NR2C2: variants seen among roughly 807,000 people sequenced by gnomAD.
NR2C2 encodes nuclear receptor subfamily 2 group C member 2.
In NR2C2, 6 loss-of-function variants were observed where a neutral mutation model predicts 62.9. That is an observed-to-expected ratio of 0.10 (90% CI 0.05 to 0.19). NR2C2 has a LOEUF of 0.19. Among genes scored for constraint, NR2C2 ranks in the 10% least tolerant of loss-of-function variants. The probability of loss-of-function intolerance (pLI) is 1.00; values close to 1 mark genes in which losing one functional copy is unlikely to be tolerated. For synonymous variants in NR2C2, 272 were observed against 273.8 expected, an observed-to-expected ratio of 0.99 and a Z score of 0.07; for missense variants, 479 against 762.7, an observed-to-expected ratio of 0.63 and a Z score of 4.38.
intron 1 of NR2C2, among the ~76,000 whole-genome samples, chr3:14,972,784 A>G (rs1338775831): frequency 1.3e-5 from 2 of 152,178 alleles, no homozygotes; most frequent in Non-Finnish European, 2.9e-5. Context: ...TCATGGTGGC[A>G]GACAAAGCAG....
intron 1 of NR2C2, among the ~76,000 whole-genome samples, chr3:14,972,743 C>T (rs1559537404): frequency 6.6e-6 from 1 of 152,172 alleles, no homozygotes; most frequent in African/African-American, 2.4e-5. Flanking sequence ...ACGGCAGCAT[C>T]TGCTTCTGGG....
chr3:15,025,427 T>C (rs556550633), intron 7 of NR2C2: 3 of 152,216 alleles, frequency 2.0e-5, no homozygotes, highest in Non-Finnish European at 4.4e-5. Flanking sequence ...ATTGTCACTT[T>C]GGAGGAGAAT....
chr3:14,962,137 T>C (rs984382908), intron 1 of NR2C2, among the ~76,000 whole-genome samples: 2 of 152,232 alleles, frequency 1.3e-5, no homozygotes, highest in African/African-American at 4.8e-5. Context: ...GTTACAACCC[T>C]GGAGACCTGA....
At chr3:15,000,021 A>G (rs752965687) in intron 1 of NR2C2, among the ~76,000 whole-genome samples, 4 of 152,196 alleles carry the variant, frequency 2.6e-5, no homozygotes, top group Non-Finnish European at 5.9e-5. Flanking sequence ...TATTTTTGCC[A>G]TGAGAACATT....
intron 5 of NR2C2, among the ~76,000 whole-genome samples, chr3:15,022,847 G>T (rs971243191): frequency 6.6e-6 from 1 of 152,028 alleles, no homozygotes; most frequent in Non-Finnish European, 1.5e-5. Flanking sequence ...ACATAATGAG[G>T]CTTCATCTCT....
intron 11 of NR2C2, among the ~76,000 whole-genome samples, chr3:15,036,387 A>G (rs1388272615): frequency 6.6e-6 from 1 of 152,188 alleles, no homozygotes; most frequent in Non-Finnish European, 1.5e-5. Context: ...TAGTCTCTCC[A>G]TGTGTAGCAT....
At position 15,004,970 on chromosome 3, in the gene NR2C2, C is replaced by A. The variant is rs575027981; in HGVS notation, c.72+984C>A. Reference sequence around the variant, plus strand: ...GTCTTGCTATGTTGCCCAGGCTGGTCTTGAACTCCTGACCTCAAGTGATAC... The same window carrying A: ...GTCTTGCTATGTTGCCCAGGCTGGTATTGAACTCCTGACCTCAAGTGATAC... On this transcript the variant is annotated intron_variant, in intron 2 of 13. Transcript: ENST00000425241. Among the ~76,000 whole-genome samples the A allele has an allele frequency of 3.3e-5, 5 of 151,720 alleles. No homozygotes were observed. The South Asian group carries it at 1.0e-3, about 32-fold the overall frequency.
chr3:14,952,543 A>G (rs1290595718), intron 1 of NR2C2, among the ~76,000 whole-genome samples: 1 of 152,186 alleles, frequency 6.6e-6, no homozygotes, highest in Non-Finnish European at 1.5e-5. Context: ...CCTTGATGTA[A>G]GGATCCCCTG....
intron 2 of NR2C2, among the ~76,000 whole-genome samples, chr3:15,005,914 C>T (rs924399357): frequency 6.6e-6 from 1 of 151,930 alleles, no homozygotes; most frequent in Non-Finnish European, 1.5e-5. Flanking sequence ...GGATTAATAT[C>T]CTCCATTTAG....
At position 15,030,489 on chromosome 3, in the gene NR2C2, G is replaced by A. The variant is rs1424901096; in HGVS notation, c.1110+37G>A. ...CAGCCTAACCATGTGCCCCCAACCTGCTGGGGGATAGGTTCTGTACCAAAG... is the reference window on the plus strand; with the variant it reads ...CAGCCTAACCATGTGCCCCCAACCTACTGGGGGATAGGTTCTGTACCAAAG... On this transcript the variant is annotated intron_variant, in intron 9 of 13. Transcript: ENST00000425241. The A allele has an allele frequency of 3.3e-6, 5 of 1,530,174 alleles. No homozygotes were observed. In the African/African-American group the frequency reaches 7.0e-5, roughly 21 times the overall value. 94.8% of individuals were successfully genotyped at this position (1,530,174 alleles called of 1,614,324 possible).
chr3:14,986,816 G>A (rs2040526494), intron 1 of NR2C2, among the ~76,000 whole-genome samples: 1 of 152,244 alleles, frequency 6.6e-6, no homozygotes, highest in South Asian at 2.1e-4. Context: ...CATTGCACTT[G>A]ATTTCTTCAG....
chr3:14,985,035 A>G (rs1321813211), intron 1 of NR2C2, among the ~76,000 whole-genome samples: 1 of 152,094 alleles, frequency 6.6e-6, no homozygotes, highest in Non-Finnish European at 1.5e-5. Context: ...GATGACTAAT[A>G]ATGTTGAACA....
chr3:14,957,922 C>G (rs1200263018), intron 1 of NR2C2, among the ~76,000 whole-genome samples: 1 of 13,044 alleles, frequency 7.7e-5, no homozygotes, highest in Non-Finnish European at 1.3e-4. Context: ...TAATTCCACA[C>G]CACATTGCCA....
rs1182267606 is a variant in NR2C2 at position 15,009,767 on chromosome 3, CCTT to C, written c.73-3819_73-3817del. On this transcript the variant is annotated intron_variant, in intron 2 of 13. Transcript: ENST00000425241. The stretch of plus-strand genomic sequence containing the variant: ...AAACAATAGAAATTTATTTTCCCAA[CCTT>C]CTGGTGGCCAGAAGTCTGAAATCAA... 3.9e-5 allele frequency among the ~76,000 whole-genome samples: 6 copies of C among 152,292 alleles called. No individual in the cohort carries two copies. The East Asian group carries it at 1.2e-3, about 29-fold the overall frequency.
At chr3:15,038,186 G>C (rs1469317682) in intron 12 of NR2C2, 49 bp downstream of exon 12, 15 of 1,546,556 alleles carry the variant, frequency 9.7e-6, no homozygotes, top group African/African-American at 1.4e-5. Context: ...TGTATCTACT[G>C]ATGTTTCTGA....
Position 15,002,645 on chromosome 3 carries a change from C to CTTTTT in NR2C2, c.-39-1205_-39-1201dup, listed in dbSNP as rs371981775. Among the ~76,000 whole-genome samples the CTTTTT allele has an allele frequency of 3.5e-3, 137 of 39,506 alleles. 34 individuals are homozygous for CTTTTT. Among genetic ancestry groups the CTTTTT allele is most frequent in the East Asian group, 6.0e-3 (5 of 838 alleles). 25.9% of individuals were successfully genotyped at this position (39,506 alleles called of 152,430 possible). A position where few individuals can be genotyped will look rare whatever the true frequency, so the allele number is the denominator to read the frequency against. Reference sequence around the variant, plus strand: ...TTTTTTGTGAAGTGTTCACAATATACTTTTTTTTTTTTTTTTTTTTTTTTT... The same window carrying CTTTTT: ...TTTTTTGTGAAGTGTTCACAATATACTTTTTTTTTTTTTTTTTTTTTTTTTTTTTT... On this transcript the variant is annotated intron_variant, in intron 1 of 13. Coordinates refer to ENST00000425241, the MANE Select transcript of NR2C2 (RefSeq NM_001291694.2).
chr3:14,963,749 A>G (rs534200998), intron 1 of NR2C2, among the ~76,000 whole-genome samples: 2 of 152,248 alleles, frequency 1.3e-5, no homozygotes, highest in South Asian at 4.1e-4. Flanking sequence ...TTTTTTAATA[A>G]TGCTCATATA....
intron 1 of NR2C2, among the ~76,000 whole-genome samples, chr3:14,962,214 T>C (rs181432518): frequency 8.5e-5 from 13 of 152,374 alleles, no homozygotes; most frequent in Non-Finnish European, 1.6e-4. Flanking sequence ...GAAATGTTTC[T>C]ACAAATTAAT....
chr3:15,028,656 C>G lies in NR2C2; in HGVS notation c.869C>G (p.Ser290Cys). The G allele has an allele frequency of 6.2e-7, 1 of 1,614,132 alleles. No homozygotes were observed. Among genetic ancestry groups the G allele is most frequent in the South Asian group, 1.1e-5 (1 of 91,078 alleles). Residue 290 changes from serine to cysteine, a missense_variant, in exon 8 of 14, where the codon TCT becomes TGT. This residue lies in a region of NR2C2 where 151 missense variants were observed against 176.1 expected (regional missense o/e 0.86). Coordinates refer to ENST00000425241, the MANE Select transcript of NR2C2 (RefSeq NM_001291694.2). ...VVTSLANLSE[S>C]LNNGDTSEIQ... ...ACCTCCCTTGCCAACCTAAGTGAAT[C>G]TTTGAACAACGGTGACACTTCAGAA...
Sources: allele counts gnomAD v4.1 joint callset (sites outside exome capture counted in the v4.1 genomes callset), GRCh38; gene constraint gnomAD v4.1.1; regional missense constraint gnomAD v4.1.1; transcripts MANE v1.5; gene names NCBI Gene and HGNC (gene_info 2026-07-23, HGNC 2026-07-21).